The following LRRC7 variants were observed in gnomAD, a reference collection of about 807,000 sequenced individuals.
The protein encoded by LRRC7 is leucine-rich repeat-containing protein 7.
A neutral mutation model predicts 175.7 loss-of-function variants in LRRC7; 23 were observed. The observed-to-expected ratio is 0.13, with a 90% CI of 0.09 to 0.19. The LOEUF (loss-of-function observed/expected upper bound fraction) is 0.19, where lower values mean the gene tolerates loss of function less well. LRRC7 is among the 10% of genes least tolerant of loss of function. The pLI is 1.00. For missense variants in LRRC7, 1,354 were observed against 1,904.7 expected (o/e 0.71, Z 5.38); for synonymous variants, 685 against 680.9 (o/e 1.01, Z -0.09).
intron 8 of LRRC7, among the ~76,000 whole-genome samples, chr1:69,948,819 A>G (rs899881275): frequency 1.1e-4 from 16 of 152,288 alleles, no homozygotes; most frequent in Admixed American, 2.0e-4. Context: ...AGAATTACTG[A>G]TGAGGACAAG....
chr1:69,845,314 C>T (rs1682228288), intron 7 of LRRC7, among the ~76,000 whole-genome samples: 1 of 152,014 alleles, frequency 6.6e-6, no homozygotes. Context: ...AAGGTTCTAT[C>T]CGTATGTGAC....
intron 3 of LRRC7, among the ~76,000 whole-genome samples, chr1:69,789,935 A>G (rs2101054729): frequency 6.6e-6 from 1 of 152,204 alleles, no homozygotes; most frequent in Middle Eastern, 3.4e-3. Context: ...TTACATTTTC[A>G]CAAGTACCTT....
At chr1:69,808,070 T>C (rs1557755933) in intron 4 of LRRC7, among the ~76,000 whole-genome samples, 1 of 151,604 alleles carries the variant, frequency 6.6e-6, no homozygotes, top group Non-Finnish European at 1.5e-5. Flanking sequence ...CTGATGTCCT[T>C]TCTTCTGCTT....
chr1:69,911,577 C>T (rs926953150), intron 7 of LRRC7, among the ~76,000 whole-genome samples: 12 of 152,162 alleles, frequency 7.9e-5, no homozygotes, highest in African/African-American at 2.9e-4. Context: ...GGGAAATCTT[C>T]CTCACAATCT....
intron 1 of LRRC7, among the ~76,000 whole-genome samples, chr1:69,628,614 C>G: frequency 6.6e-6 from 1 of 152,056 alleles, no homozygotes; most frequent in Admixed American, 6.6e-5. Context: ...TTGTGGATAT[C>G]AACAAAGTGT....
intron 1 of LRRC7, among the ~76,000 whole-genome samples, chr1:69,672,528 A>G (rs1659224702): frequency 6.6e-6 from 1 of 152,224 alleles, no homozygotes; most frequent in South Asian, 2.1e-4. Context: ...ACCATGGATA[A>G]AATACAGATG....
chr1:69,919,639 G>A lies in LRRC7; in HGVS notation c.648-11868G>A. ...TCAGCGGCTACATCCAGAAGATCAAGGCAGGAGAGAAGGACTTTGAGTCTC... is the reference window on the plus strand; with the variant it reads ...TCAGCGGCTACATCCAGAAGATCAAAGCAGGAGAGAAGGACTTTGAGTCTC... On this transcript the variant is annotated intron_variant, in intron 7 of 26. Coordinates refer to ENST00000651989, the MANE Select transcript of LRRC7 (RefSeq NM_001370785.2). 3 of 861,710 alleles carry A rather than the reference G, an allele frequency of 3.5e-6. No individual in the cohort carries two copies. In the South Asian group the frequency reaches 4.1e-5, roughly 12 times the overall value. 53.4% of individuals were successfully genotyped at this position (861,710 alleles called of 1,614,324 possible).
intron 1 of LRRC7, among the ~76,000 whole-genome samples, chr1:69,574,115 G>T (rs1209030048): frequency 1.3e-5 from 2 of 152,004 alleles, no homozygotes; most frequent in African/African-American, 4.8e-5. Flanking sequence ...TGTGTGGCGG[G>T]GTGGGTCAGA....
chr1:70,088,388 C>G (rs1663770275), intron 24 of LRRC7, among the ~76,000 whole-genome samples: 1 of 151,962 alleles, frequency 6.6e-6, no homozygotes, highest in Non-Finnish European at 1.5e-5. Flanking sequence ...AAGACTCTAT[C>G]TCTAGAAAAA....
In LRRC7 at chr1:70,140,986, G is replaced by T. The variant is rs978405229; in HGVS notation, c.*19099G>T. Among the ~76,000 whole-genome samples, 4 of 152,086 alleles carry T rather than the reference G, an allele frequency of 2.6e-5. No homozygotes were observed. Among genetic ancestry groups the T allele is most frequent in the Non-Finnish European group, 4.4e-5 (3 of 67,992 alleles). The stretch of plus-strand genomic sequence containing the variant: ...AACTGAGGTGTAGCCCAGGGAATAA[G>T]TATGTCCTGAATTGAGCCTTAAATC... On this transcript the variant is annotated 3_prime_UTR_variant, in exon 27 of 27. Transcript: ENST00000651989.
intron 2 of LRRC7, among the ~76,000 whole-genome samples, chr1:69,705,955 A>G (rs1014388763): frequency 6.6e-5 from 10 of 152,132 alleles, no homozygotes; most frequent in South Asian, 4.1e-4. Context: ...CTTCCCTCCA[A>G]AAAATAAATG....
intron 8 of LRRC7, among the ~76,000 whole-genome samples, chr1:69,975,550 G>C (rs559288809): frequency 6.6e-6 from 1 of 152,204 alleles, no homozygotes; most frequent in African/African-American, 2.4e-5. Context: ...CAGAAAAAAA[G>C]TTATAATTGT....
chr1:69,927,961 G>T (rs1161566792), intron 7 of LRRC7, among the ~76,000 whole-genome samples: 3 of 152,092 alleles, frequency 2.0e-5, no homozygotes, highest in African/African-American at 7.2e-5. Flanking sequence ...GGTCTTTGAT[G>T]ATGGTGATGT....
chr1:70,091,768 G>A (rs1664049833), intron 25 of LRRC7, among the ~76,000 whole-genome samples: 1 of 152,078 alleles, frequency 6.6e-6, no homozygotes, highest in African/African-American at 2.4e-5. Context: ...TGCTCTTTTG[G>A]TTAAATGTAA....
At chr1:69,763,510 A>T (rs1001232860) in intron 3 of LRRC7, among the ~76,000 whole-genome samples, 1 of 152,066 alleles carries the variant, frequency 6.6e-6, no homozygotes, top group Non-Finnish European at 1.5e-5. Context: ...CTACTATAAG[A>T]AAAGTGGGAT....
intron 8 of LRRC7, among the ~76,000 whole-genome samples, chr1:69,977,950 T>C (rs1183699448): frequency 6.6e-6 from 1 of 152,204 alleles, no homozygotes; most frequent in Non-Finnish European, 1.5e-5. Context: ...TCTGTCTTAT[T>C]GTATTCATAT....
rs1422897729 is a variant in LRRC7, at chr1:70,122,068, A to T, written c.*181A>T. The stretch of plus-strand genomic sequence containing the variant: ...TGTTAACTCTATAAATATGATGTTC[A>T]TGTGGTTATGTATTAGTTTTAATTG... On this transcript the variant is annotated 3_prime_UTR_variant, in exon 27 of 27. Transcript: ENST00000651989. 1 of 467,932 alleles carries T rather than the reference A, an allele frequency of 2.1e-6. No homozygotes were observed. The highest frequency in any genetic ancestry group is 3.8e-6 in the Non-Finnish European group (1 of 265,104). 29.0% of individuals were successfully genotyped at this position (467,932 alleles called of 1,614,324 possible).
chr1:69,710,294 A>AAG (rs1414495958), intron 2 of LRRC7, among the ~76,000 whole-genome samples: 47 of 151,142 alleles, frequency 3.1e-4, no homozygotes, highest in Non-Finnish European at 4.0e-4. Context: ...AAAAAAAAAA[A>AAG]AAAAGAAAGA....
At position 70,141,254 on chromosome 1, in the gene LRRC7, G is replaced by A. The variant is rs1476486026; in HGVS notation, c.*19367G>A. On this transcript the variant is annotated 3_prime_UTR_variant, in exon 27 of 27. Transcript: ENST00000651989. ...GGGTATGAAGCCTACTGAAAAATAA[G>A]GAAATGGAGCATGGAGAAAGAAAGG... is the stretch of plus-strand genomic sequence containing the variant. 1.3e-5 allele frequency: 2 copies of A among 152,062 alleles called. No individual in the cohort carries two copies. The highest frequency in any genetic ancestry group is 2.9e-5 in the Non-Finnish European group (2 of 67,992). 9.4% of individuals were successfully genotyped at this position (152,062 alleles called of 1,614,324 possible). A position where few individuals can be genotyped will look rare whatever the true frequency, so the allele number is the denominator to read the frequency against.
Sources: allele counts gnomAD v4.1 joint callset (sites outside exome capture counted in the v4.1 genomes callset), GRCh38; gene constraint gnomAD v4.1.1; transcripts MANE v1.5; gene names NCBI Gene and HGNC (gene_info 2026-07-23, HGNC 2026-07-21).